The following ABLIM1 variants were observed in gnomAD, a reference collection of about 807,000 sequenced individuals.
The protein encoded by ABLIM1 is actin-binding LIM protein 1.
ABLIM1 carries 40 observed loss-of-function variants against 107.0 expected under a neutral mutation model. The observed-to-expected ratio is 0.37, with a 90% CI of 0.29 to 0.49. The LOEUF (loss-of-function observed/expected upper bound fraction) is 0.49, where lower values mean the gene tolerates loss of function less well. ABLIM1 is among the 20% of genes least tolerant of loss of function. The pLI is 0.97. For missense variants in ABLIM1, 857 were observed against 1,008.5 expected (o/e 0.85, Z 2.04); for synonymous variants, 357 against 357.3 (o/e 1.00, Z 0.01).
chr10:114,570,587 T>C (rs149460543), intron 4 of ABLIM1, among the ~76,000 whole-genome samples: 1 of 144,218 alleles, frequency 6.9e-6, no homozygotes, highest in Non-Finnish European at 1.5e-5. Context: ...GGTAGTTCTA[T>C]TTTTCTGGGT....
At chr10:114,581,328 A>G (rs940941093) in intron 2 of ABLIM1, among the ~76,000 whole-genome samples, 49 of 152,178 alleles carry the variant, frequency 3.2e-4, no homozygotes, top group Admixed American at 1.3e-4. Context: ...AGTAGCAACT[A>G]TTTCTTCAAC....
At chr10:114,538,387 A>C (rs1279536832) in intron 6 of ABLIM1, among the ~76,000 whole-genome samples, 1 of 152,138 alleles carries the variant, frequency 6.6e-6, no homozygotes, top group Non-Finnish European at 1.5e-5. Flanking sequence ...GTTAACAGAT[A>C]AAGACAGGGG....
chr10:114,490,214 C>T (rs546997447), intron 7 of ABLIM1, among the ~76,000 whole-genome samples: 6 of 152,202 alleles, frequency 3.9e-5, no homozygotes, highest in South Asian at 2.1e-4. Flanking sequence ...ATATAAATCC[C>T]GCATGAGGCC....
intron 1 of ABLIM1, 22 bp from the exon 2 acceptor site, chr10:114,601,983 A>G: frequency 6.2e-7 from 1 of 1,613,516 alleles, no homozygotes; most frequent in Non-Finnish European, 8.5e-7. Context: ...TCAACAAAAG[A>G]TCCAGGTGAG....
chr10:114,690,100 C>T (rs2081041390), intron 1 of ABLIM1: 2 of 1,108,904 alleles, frequency 1.8e-6, no homozygotes, highest in South Asian at 1.4e-5. Context: ...TCCTGAGCTA[C>T]AAAAGGAAGG....
chr10:114,764,158 C>T (rs1040205820), intron 1 of ABLIM1, among the ~76,000 whole-genome samples: 2 of 152,056 alleles, frequency 1.3e-5, no homozygotes, highest in Non-Finnish European at 2.9e-5. Context: ...ATAATGGATC[C>T]GTTTTGGTCT....
intron 6 of ABLIM1, among the ~76,000 whole-genome samples, chr10:114,533,504 C>T (rs936592631): frequency 6.6e-6 from 1 of 152,114 alleles, no homozygotes; most frequent in African/African-American, 2.4e-5. Context: ...GTAACAATAG[C>T]AAACAAAGAT....
chr10:114,660,288 C>T (rs1050559234), upstream of ABLIM1, among the ~76,000 whole-genome samples: 36 of 152,136 alleles, frequency 2.4e-4, no homozygotes, highest in Non-Finnish European at 1.6e-4. Context: ...GTAAGATGTT[C>T]TATCAATGTT....
chr10:114,777,908 CT>C, the ABLIM1 span: 1 of 152,274 alleles, frequency 6.6e-6, no homozygotes, highest in East Asian at 1.9e-4. Context: ...CTCACTAAAT[CT>C]TTTGCACTAT....
intron 1 of ABLIM1, among the ~76,000 whole-genome samples, chr10:114,747,113 A>G (rs533222746): frequency 6.6e-6 from 1 of 152,320 alleles, no homozygotes; most frequent in East Asian, 1.9e-4. Flanking sequence ...AATGATCCTT[A>G]AAAAACAGAC....
chr10:114,554,902 G>A (rs1439625243), intron 4 of ABLIM1, among the ~76,000 whole-genome samples: 3 of 152,086 alleles, frequency 2.0e-5, no homozygotes, highest in Admixed American at 2.0e-4. Context: ...CTGAACAGAG[G>A]GACCCTGGGC....
At chr10:114,473,612 G>A (rs551962411) in intron 9 of ABLIM1, among the ~76,000 whole-genome samples, 58 of 151,532 alleles carry the variant, frequency 3.8e-4, no homozygotes, top group African/African-American at 1.4e-3. Context: ...TTTTTGAGAC[G>A]GAGTCTTAGG....
At chr10:114,625,405 GAC>G (rs1328621709) in intron 1 of ABLIM1, among the ~76,000 whole-genome samples, 3 of 152,150 alleles carry the variant, frequency 2.0e-5, no homozygotes, top group African/African-American at 4.8e-5. Flanking sequence ...TGGGAAGACA[GAC>G]AGCATTAGAG....
chr10:114,788,334 T>TAAAAAAAAAAAA, the ABLIM1 span, among the ~76,000 whole-genome samples: 2 of 131,288 alleles, frequency 1.5e-5, no homozygotes, highest in African/African-American at 2.9e-5. Flanking sequence ...AATAAAAAAA[T>TAAAAAAAAAAAA]AAAAAAAAAA....
chr10:114,544,523 C>T (rs929184695), intron 6 of ABLIM1, among the ~76,000 whole-genome samples: 48 of 152,180 alleles, frequency 3.2e-4, no homozygotes, highest in African/African-American at 1.1e-3. Context: ...CTGGGTCACA[C>T]AGGATGTGGT....
At chr10:114,737,323 A>C (rs1478728794) in intron 1 of ABLIM1, among the ~76,000 whole-genome samples, 1 of 152,218 alleles carries the variant, frequency 6.6e-6, no homozygotes, top group Non-Finnish European at 1.5e-5. Flanking sequence ...AAAACAAAAC[A>C]AAAGGAAAAA....
rs560305889 is a variant in ABLIM1, at chr10:114,432,828, T to C, written c.*3432A>G. The C allele has an allele frequency of 2.0e-5, 3 of 152,290 alleles. No individual in the cohort carries two copies. The South Asian group carries it at 6.2e-4, about 32-fold the overall frequency. The allele number at this position is 152,290 out of a possible 1,614,324, so 9.4% of individuals were successfully genotyped here. A position where few individuals can be genotyped will look rare whatever the true frequency, so the allele number is the denominator to read the frequency against. On this transcript the variant is annotated 3_prime_UTR_variant, in exon 23 of 23. Coordinates refer to ENST00000533213, the MANE Select transcript of ABLIM1 (RefSeq NM_002313.7). ...AACAACAACTCATTAACTCTATCTC[T>C]TTGAGGTTTTGGAGAACAGGAAGTT...
chr10:114,651,298 G>A (rs1566178902), intron 1 of ABLIM1, among the ~76,000 whole-genome samples: 1 of 152,140 alleles, frequency 6.6e-6, no homozygotes, highest in Non-Finnish European at 1.5e-5. Context: ...GAGGACCTCA[G>A]TGTATGAAAA....
At chr10:114,498,532 G>C (rs950774540) in intron 6 of ABLIM1, among the ~76,000 whole-genome samples, 1 of 152,188 alleles carries the variant, frequency 6.6e-6, no homozygotes, top group Non-Finnish European at 1.5e-5. Context: ...ACTGCTGACA[G>C]TCCCTTTTAG....
Sources: gnomAD v4.1 joint callset for allele counts (sites outside exome capture counted in the v4.1 genomes callset) on GRCh38, gnomAD v4.1.1 for gene constraint, MANE v1.5 for transcripts, NCBI Gene and HGNC (gene_info 2026-07-23, HGNC 2026-07-21) for gene names.